Variants in GPATCH2 observed in about 807,000 individuals in gnomAD.
The protein encoded by GPATCH2 is G patch domain-containing protein 2.
In GPATCH2, 51 loss-of-function variants were observed where a neutral mutation model predicts 58.0. The observed-to-expected ratio is 0.88, with a 90% CI of 0.70 to 1.11. GPATCH2 has a LOEUF of 1.11. Among genes scored for constraint, GPATCH2 ranks in the 50% most tolerant of loss-of-function variants. The pLI, the probability that GPATCH2 is intolerant of heterozygous loss-of-function variation, is 0.00. For synonymous variants in GPATCH2, 222 were observed against 218.5 expected, an observed-to-expected ratio of 1.02 and a Z score of -0.14; for missense variants, 625 against 652.2, an observed-to-expected ratio of 0.96 and a Z score of 0.45.
At chr1:217,530,386 G>T (rs890490340) in intron 5 of GPATCH2, among the ~76,000 whole-genome samples, 1 of 152,190 alleles carries the variant, frequency 6.6e-6, no homozygotes, top group African/African-American at 2.4e-5. Context: ...AAATTAAAGA[G>T]ATCATTTGTA....
intron 9 of GPATCH2, among the ~76,000 whole-genome samples, chr1:217,441,609 A>G (rs1019038683): frequency 2.0e-5 from 3 of 152,238 alleles, no homozygotes; most frequent in South Asian, 2.1e-4. Flanking sequence ...CAAAGGGCTA[A>G]TAACCAGAAT....
intron 5 of GPATCH2, among the ~76,000 whole-genome samples, chr1:217,587,802 G>A (rs1051969603): frequency 6.6e-6 from 1 of 152,060 alleles, no homozygotes; most frequent in African/African-American, 2.4e-5. Flanking sequence ...ATTTTCAGTA[G>A]GACGACTAAA....
At chr1:217,578,972 A>G (rs17046619) in intron 5 of GPATCH2, among the ~76,000 whole-genome samples, 6,326 of 152,286 alleles carry the variant, frequency 0.042, 272 homozygotes, top group East Asian at 0.16. Context: ...ATATGCAAAT[A>G]AAGTTTTCAC....
intron 2 of GPATCH2, among the ~76,000 whole-genome samples, chr1:217,619,061 T>C (rs1669050228): frequency 6.6e-6 from 1 of 152,156 alleles, no homozygotes; most frequent in Non-Finnish European, 1.5e-5. Flanking sequence ...TAGTTCAGCA[T>C]TCGGTTTTGC....
At chr1:217,570,427 T>A (rs1324759398) in intron 5 of GPATCH2, among the ~76,000 whole-genome samples, 1 of 152,184 alleles carries the variant, frequency 6.6e-6, no homozygotes, top group African/African-American at 2.4e-5. Context: ...AATATGTATT[T>A]AAAAGGGATA....
intron 1 of GPATCH2, among the ~76,000 whole-genome samples, chr1:217,621,212 C>T (rs902168114): frequency 5.9e-5 from 9 of 152,174 alleles, no homozygotes; most frequent in Non-Finnish European, 1.2e-4. Context: ...ATCCAGTAGT[C>T]AGCAAGAATA....
intron 5 of GPATCH2, among the ~76,000 whole-genome samples, chr1:217,522,441 T>C (rs1039818214): frequency 6.6e-6 from 1 of 152,198 alleles, no homozygotes; most frequent in Non-Finnish European, 1.5e-5. Flanking sequence ...AGAATTTCAC[T>C]TTGCCGTCCA....
chr1:217,520,309 G>A (rs1663388116), intron 5 of GPATCH2, among the ~76,000 whole-genome samples: 1 of 152,170 alleles, frequency 6.6e-6, no homozygotes, highest in Admixed American at 6.5e-5. Context: ...GAGGACAACT[G>A]AATTGCTAGA....
At chr1:217,554,439 A>G (rs540763992) in intron 5 of GPATCH2, among the ~76,000 whole-genome samples, 6 of 152,304 alleles carry the variant, frequency 3.9e-5, no homozygotes, top group South Asian at 2.1e-4. Flanking sequence ...ATTGCCTGGC[A>G]ATTGATTAAC....
intron 8 of GPATCH2, among the ~76,000 whole-genome samples, chr1:217,453,771 C>T (rs1305768260): frequency 6.6e-6 from 1 of 152,132 alleles, no homozygotes; most frequent in African/African-American, 2.4e-5. Context: ...CCGAAGCAGG[C>T]AGTGTCAGAC....
chr1:217,494,107 A>C (rs1661888491), intron 7 of GPATCH2, among the ~76,000 whole-genome samples: 2 of 152,212 alleles, frequency 1.3e-5, no homozygotes, highest in Non-Finnish European at 2.9e-5. Flanking sequence ...CCCTCTCTGA[A>C]CGTTGATGTT....
intron 1 of GPATCH2, among the ~76,000 whole-genome samples, chr1:217,622,195 G>A (rs1313693638): frequency 6.6e-6 from 1 of 152,154 alleles, no homozygotes; most frequent in African/African-American, 2.4e-5. Flanking sequence ...CTCGTAGGTA[G>A]CTATTACATG....
chr1:217,501,061 A>C (rs923192124), intron 6 of GPATCH2, among the ~76,000 whole-genome samples: 2 of 152,078 alleles, frequency 1.3e-5, no homozygotes, highest in Non-Finnish European at 2.9e-5. Flanking sequence ...ACGATCCTTC[A>C]TGTTGTCCTT....
chr1:217,524,815 A>C (rs1323469525), intron 5 of GPATCH2, among the ~76,000 whole-genome samples: 31 of 121,798 alleles, frequency 2.5e-4, no homozygotes, highest in Non-Finnish European at 2.6e-4. Flanking sequence ...GCAGCAGTAC[A>C]GTCCAGCTTC....
At chr1:217,468,905 T>TTCTGTATGTCTGTATTTCTGTA (rs1558414264) in intron 8 of GPATCH2, among the ~76,000 whole-genome samples, 3 of 152,126 alleles carry the variant, frequency 2.0e-5, no homozygotes, top group African/African-American at 7.2e-5. Flanking sequence ...ATATAAAAAA[T>TTCTGTATGTCTGTATTTCTGTA]TTTCTATGAT....
chr1:217,437,205 T>C (rs1354421409), intron 9 of GPATCH2, among the ~76,000 whole-genome samples: 12 of 152,054 alleles, frequency 7.9e-5, no homozygotes, highest in Admixed American at 7.9e-4. Context: ...CCAGCCCAGA[T>C]ACTACGCTGT....
chr1:217,454,139 G>A (rs948872262), intron 8 of GPATCH2, among the ~76,000 whole-genome samples: 1 of 152,200 alleles, frequency 6.6e-6, no homozygotes, highest in South Asian at 2.1e-4. Context: ...TACCCTCCCC[G>A]CTTTACTTGG....
At chr1:217,449,625 C>T (rs939436905) in intron 8 of GPATCH2, among the ~76,000 whole-genome samples, 3 of 152,190 alleles carry the variant, frequency 2.0e-5, no homozygotes, top group Admixed American at 2.0e-4. Context: ...AGCACTGTTG[C>T]TTCTGACAGG....
At chr1:217,585,903 C>T (rs998448597) in intron 5 of GPATCH2, among the ~76,000 whole-genome samples, 1 of 152,160 alleles carries the variant, frequency 6.6e-6, no homozygotes, top group East Asian at 1.9e-4. Context: ...CAAACCTCTA[C>T]AGCATGTTAC....
Sources: allele counts gnomAD v4.1 joint callset (sites outside exome capture counted in the v4.1 genomes callset), GRCh38; gene constraint gnomAD v4.1.1; transcripts MANE v1.5; gene names NCBI Gene and HGNC (gene_info 2026-07-23, HGNC 2026-07-21).